Variants in DCAF8L2 observed in about 807,000 individuals in gnomAD.
DCAF8L2 encodes DDB1 and CUL4 associated factor 8 like 2, also known as DDB1- and CUL4-associated factor 8-like protein 2.
For synonymous variants in DCAF8L2, 200 were observed against 190.9 expected (o/e 1.05, Z -0.39); for missense variants, 430 against 490.7 (o/e 0.88, Z 1.17).
At chrX:27,479,889 G>A in the DCAF8L2 span, among the ~76,000 whole-genome samples, 4 of 111,846 alleles carry the variant, frequency 3.6e-5, no homozygotes, top group South Asian at 3.8e-4. Flanking sequence ...ACCTAGAGAG[G>A]GTCACATTGT....
the DCAF8L2 span, among the ~76,000 whole-genome samples, chrX:27,523,783 A>G: frequency 9.2e-6 from 1 of 109,248 alleles, no homozygotes; most frequent in Non-Finnish European, 1.9e-5. Flanking sequence ...CCACCCCACA[A>G]CAGGGCCTGG....
the DCAF8L2 span, among the ~76,000 whole-genome samples, chrX:27,538,420 G>A: frequency 1.8e-5 from 2 of 109,976 alleles, no homozygotes; most frequent in African/African-American, 6.6e-5. Context: ...TTGAGATGGA[G>A]TCTTGCTTTG....
the DCAF8L2 span, among the ~76,000 whole-genome samples, chrX:27,537,778 G>A: frequency 8.9e-6 from 1 of 111,939 alleles, no homozygotes; most frequent in Admixed American, 9.5e-5. Context: ...GAATATGTAA[G>A]GCAGAGATTG....
At chrX:27,614,448 C>T (rs1396416950) in intron 1 of DCAF8L2, among the ~76,000 whole-genome samples, 4 of 111,063 alleles carry the variant, frequency 3.6e-5, no homozygotes, top group East Asian at 2.8e-4. Context: ...GTGTCTCTAT[C>T]TCCTTCAGTT....
the DCAF8L2 span, among the ~76,000 whole-genome samples, chrX:27,576,887 C>G: frequency 2.3e-4 from 26 of 111,765 alleles, no homozygotes; most frequent in Middle Eastern, 0.023. Context: ...TATATCTCAA[C>G]TATTTGAATA....
intron 1 of DCAF8L2, among the ~76,000 whole-genome samples, chrX:27,631,127 G>A (rs984236420): frequency 7.2e-5 from 8 of 111,678 alleles, no homozygotes; most frequent in South Asian, 7.5e-4. Flanking sequence ...CAACGTTAAC[G>A]AAATTAATAC....
chrX:27,653,916 A>G (rs770723927), intron 2 of DCAF8L2, among the ~76,000 whole-genome samples: 1 of 111,634 alleles, frequency 9.0e-6, no homozygotes, highest in East Asian at 2.8e-4. Context: ...AAATTATGGG[A>G]CAAATATACA....
chrX:27,581,686 T>C, the DCAF8L2 span, among the ~76,000 whole-genome samples: 1 of 108,525 alleles, frequency 9.2e-6, no homozygotes, highest in Non-Finnish European at 1.9e-5. Flanking sequence ...CGGGTTCAAG[T>C]GATTCTCCTA....
the DCAF8L2 span, among the ~76,000 whole-genome samples, chrX:27,514,682 A>AAC: frequency 1.5e-3 from 93 of 61,624 alleles, 2 homozygotes; most frequent in South Asian, 7.5e-3. Flanking sequence ...AAAAAAAAAA[A>AAC]AAAAAAAAAA....
chrX:27,639,522 C>A (rs1928623378), intron 2 of DCAF8L2, among the ~76,000 whole-genome samples: 1 of 111,762 alleles, frequency 8.9e-6, no homozygotes, highest in South Asian at 3.7e-4. Context: ...CATTGCATCA[C>A]TGCATACCTG....
intron 3 of DCAF8L2, among the ~76,000 whole-genome samples, chrX:27,704,173 T>TATATATATATATACACACAC (rs757835089): frequency 6.8e-5 from 3 of 44,286 alleles, no homozygotes; most frequent in Non-Finnish European, 1.2e-4. Flanking sequence ...TATATATATA[T>TATATATATATATACACACAC]ACATATACAC....
At chrX:27,580,605 G>A in the DCAF8L2 span, among the ~76,000 whole-genome samples, 1 of 111,783 alleles carries the variant, frequency 8.9e-6, no homozygotes, top group African/African-American at 3.3e-5. Flanking sequence ...TACATAATCA[G>A]ATACATTAGC....
At chrX:27,599,381 TGAG>T (rs1424146728) in intron 1 of DCAF8L2, among the ~76,000 whole-genome samples, 4 of 110,293 alleles carry the variant, frequency 3.6e-5, no homozygotes, top group Admixed American at 9.7e-5. Context: ...GAGGGAGAAA[TGAG>T]GAGCTGTTCA....
the DCAF8L2 span, chrX:27,517,889 T>C: frequency 8.9e-7 from 1 of 1,123,197 alleles, no homozygotes; most frequent in East Asian, 3.0e-5. Flanking sequence ...TTGTGCCCAA[T>C]ACAACTGGCA....
At chrX:27,502,332 AAAAAT>A in the DCAF8L2 span, among the ~76,000 whole-genome samples, 5 of 34,057 alleles carry the variant, frequency 1.5e-4, no homozygotes, top group African/African-American at 4.3e-4. Context: ...AAAAAAAAAA[AAAAAT>A]ATATATATAT....
At chrX:27,553,192 T>A in the DCAF8L2 span, among the ~76,000 whole-genome samples, 1 of 111,767 alleles carries the variant, frequency 8.9e-6, no homozygotes, top group Admixed American at 9.5e-5. Context: ...TCTATATATA[T>A]GACCATGTGC....
chrX:27,737,286 G>T (rs1921583224), intron 4 of DCAF8L2, among the ~76,000 whole-genome samples: 1 of 111,308 alleles, frequency 9.0e-6, no homozygotes, highest in Non-Finnish European at 1.9e-5. Flanking sequence ...GCCTTGTCTT[G>T]TATTGCTGCT....
chrX:27,473,178 A>T, the DCAF8L2 span, among the ~76,000 whole-genome samples: 2 of 112,089 alleles, frequency 1.8e-5, no homozygotes, highest in African/African-American at 6.5e-5. Context: ...CATTTCTAAA[A>T]ATTTTGTATG....
chrX:27,592,802 C>CT (rs748583196), intron 1 of DCAF8L2, among the ~76,000 whole-genome samples: 4,392 of 91,236 alleles, frequency 0.048, 261 homozygotes, highest in African/African-American at 0.15. Flanking sequence ...CCATCTCAAC[C>CT]TTTTTTTTTT....
Sources: allele counts gnomAD v4.1 joint callset (sites outside exome capture counted in the v4.1 genomes callset), GRCh38; gene constraint gnomAD v4.1.1; transcripts MANE v1.5; gene names NCBI Gene and HGNC (gene_info 2026-07-23, HGNC 2026-07-21).